Variants in EPHA4 observed in about 807,000 individuals in gnomAD.
EPHA4 encodes the protein ephrin type-A receptor 4.
A neutral mutation model predicts 108.3 loss-of-function variants in EPHA4; 19 were observed. The observed-to-expected ratio is 0.18, with a 90% CI of 0.12 to 0.26. The LOEUF is 0.26. Ranked by LOEUF, EPHA4 falls within the 10% of genes least tolerant of loss-of-function variation. EPHA4 has a pLI of 1.00. For synonymous variants in EPHA4, 449 were observed against 455.5 expected (o/e 0.99, Z 0.18); for missense variants, 917 against 1,254.0 (o/e 0.73, Z 4.06).
intron 4 of EPHA4, among the ~76,000 whole-genome samples, chr2:221,486,146 C>T (rs891983429): frequency 2.6e-5 from 4 of 152,150 alleles, no homozygotes; most frequent in African/African-American, 9.7e-5. Flanking sequence ...AAAGGGCTAA[C>T]TGTTGTACTT....
intron 3 of EPHA4, among the ~76,000 whole-genome samples, chr2:221,513,516 C>T (rs1247185790): frequency 6.6e-6 from 1 of 151,968 alleles, no homozygotes; most frequent in Non-Finnish European, 1.5e-5. Flanking sequence ...GTTGATGGGG[C>T]CTGAGAATCA....
chr2:221,564,958 GA>G (rs1006795842), intron 2 of EPHA4, among the ~76,000 whole-genome samples: 3 of 137,684 alleles, frequency 2.2e-5, no homozygotes, highest in Admixed American at 7.2e-5. Flanking sequence ...AAGGTGAAAA[GA>G]AAATCCCACC....
At chr2:221,532,523 G>C (rs1693551219) in intron 3 of EPHA4, 1 of 152,176 alleles carries the variant, frequency 6.6e-6, no homozygotes, top group Admixed American at 6.5e-5. Flanking sequence ...TGCTAAGCAG[G>C]CACATGAATT....
chr2:221,477,865 T>C (rs1285776887), intron 5 of EPHA4, among the ~76,000 whole-genome samples: 5 of 152,138 alleles, frequency 3.3e-5, no homozygotes, highest in Admixed American at 3.3e-4. Flanking sequence ...GTTTAAATAA[T>C]TACGTAATGC....
intron 5 of EPHA4, among the ~76,000 whole-genome samples, chr2:221,473,145 C>T (rs553977457): frequency 6.6e-6 from 1 of 152,212 alleles, no homozygotes; most frequent in African/African-American, 2.4e-5. Flanking sequence ...TCAGGGGAGC[C>T]TGGGGAACCT....
chr2:221,485,683 C>CTT (rs199930603), intron 4 of EPHA4, among the ~76,000 whole-genome samples: 23 of 151,188 alleles, frequency 1.5e-4, no homozygotes, highest in African/African-American at 4.6e-4. Flanking sequence ...ATTGTGGTTT[C>CTT]TTTTTTTTTG....
At chr2:221,558,793 CG>C (rs1180695510) in intron 3 of EPHA4, among the ~76,000 whole-genome samples, 2 of 151,968 alleles carry the variant, frequency 1.3e-5, no homozygotes, top group Non-Finnish European at 2.9e-5. Context: ...AATAATTAAA[CG>C]CTGCTCTCTT....
chr2:221,497,068 G>C (rs1174878187), intron 4 of EPHA4, among the ~76,000 whole-genome samples: 1 of 13,166 alleles, frequency 7.6e-5, no homozygotes, highest in Non-Finnish European at 1.1e-4. Flanking sequence ...TGCACGCAAG[G>C]GTAAAAAATC....
chr2:221,540,367 C>A (rs931842941), intron 3 of EPHA4, among the ~76,000 whole-genome samples: 6 of 152,202 alleles, frequency 3.9e-5, no homozygotes, highest in Non-Finnish European at 8.8e-5. Flanking sequence ...CAAAGCATGT[C>A]CTCAGTTGTC....
chr2:221,442,460 G>A (rs1468757846), intron 11 of EPHA4, among the ~76,000 whole-genome samples: 1 of 151,866 alleles, frequency 6.6e-6, no homozygotes, highest in Non-Finnish European at 1.5e-5. Context: ...TCCAGCACAA[G>A]GTGTGGCCAG....
At chr2:221,478,664 T>A (rs1445045571) in intron 5 of EPHA4, among the ~76,000 whole-genome samples, 1 of 152,154 alleles carries the variant, frequency 6.6e-6, no homozygotes, top group African/African-American at 2.4e-5. Flanking sequence ...GAGTGACTCA[T>A]CTCATTAGAG....
intron 5 of EPHA4, among the ~76,000 whole-genome samples, chr2:221,465,126 C>T (rs753782811): frequency 2.0e-5 from 3 of 151,950 alleles, no homozygotes; most frequent in Admixed American, 1.3e-4. Flanking sequence ...AAGCAGTGCA[C>T]AGCCACATTA....
At chr2:221,451,650 G>A (rs1690788917) in intron 8 of EPHA4, among the ~76,000 whole-genome samples, 1 of 152,072 alleles carries the variant, frequency 6.6e-6, no homozygotes, top group South Asian at 2.1e-4. Context: ...TATGTGCTCT[G>A]GAAAGCTGAA....
intron 7 of EPHA4, 117 bp downstream of exon 7, chr2:221,456,496 G>T: frequency 9.9e-7 from 1 of 1,007,530 alleles, no homozygotes; most frequent in Non-Finnish European, 1.4e-6. Context: ...ATTCATTGCA[G>T]CAAAATGTCT....
At chr2:221,426,713 T>A in intron 15 of EPHA4, 94 bp from the exon 16 acceptor site, 1 of 1,162,734 alleles carries the variant, frequency 8.6e-7, no homozygotes, top group Non-Finnish European at 1.2e-6. Context: ...CAAGGAGAAC[T>A]GAAAAGCTAA....
chr2:221,436,964 A>T, intron 12 of EPHA4, 97 bp downstream of exon 12: 1 of 886,740 alleles, frequency 1.1e-6, no homozygotes, highest in South Asian at 1.4e-5. Flanking sequence ...CATTAAAAGA[A>T]ATCCACGAAT....
At chr2:221,497,303 ACT>A (rs775980653) in intron 4 of EPHA4, among the ~76,000 whole-genome samples, 13 of 152,184 alleles carry the variant, frequency 8.5e-5, no homozygotes, top group African/African-American at 3.1e-4. Context: ...GTGAGGGTAA[ACT>A]CTCTCTGAAT....
intron 3 of EPHA4, among the ~76,000 whole-genome samples, chr2:221,506,247 G>T (rs577355422): frequency 2.0e-4 from 31 of 152,020 alleles, no homozygotes; most frequent in Admixed American, 3.9e-4. Context: ...TCTCTTAATG[G>T]CCATTATTAA....
chr2:221,470,315 G>C (rs1462700185), intron 5 of EPHA4, among the ~76,000 whole-genome samples: 1 of 151,348 alleles, frequency 6.6e-6, no homozygotes, highest in African/African-American at 2.4e-5. Flanking sequence ...ATAGGGGAGA[G>C]AGACAGAGAG....
Sources: gnomAD v4.1 joint callset for allele counts (sites outside exome capture counted in the v4.1 genomes callset) on GRCh38, gnomAD v4.1.1 for gene constraint, MANE v1.5 for transcripts, NCBI Gene and HGNC (gene_info 2026-07-23, HGNC 2026-07-21) for gene names.